SNTG1: variants seen among roughly 807,000 people sequenced by gnomAD.
SNTG1 encodes syntrophin gamma 1, also known as gamma-1-syntrophin.
A neutral mutation model predicts 74.7 loss-of-function variants in SNTG1; 39 were observed. That is an observed-to-expected ratio of 0.52 (90% CI 0.40 to 0.68). The LOEUF (loss-of-function observed/expected upper bound fraction) is 0.68. Among genes scored for constraint, SNTG1 ranks in the 30% least tolerant of loss-of-function variants. The pLI is 0.00. For missense variants in SNTG1, 685 were observed against 609.5 expected (o/e 1.12, Z -1.30); for synonymous variants, 254 against 217.1 (o/e 1.17, Z -1.49).
At chr8:49,990,012 G>A (rs1813528178) in intron 1 of SNTG1, among the ~76,000 whole-genome samples, 1 of 151,902 alleles carries the variant, frequency 6.6e-6, no homozygotes, top group Non-Finnish European at 1.5e-5. Flanking sequence ...GTGTAAAACA[G>A]AGTATCTTTC....
intron 15 of SNTG1, among the ~76,000 whole-genome samples, chr8:50,662,691 C>G (rs2095230499): frequency 6.6e-6 from 1 of 152,102 alleles, no homozygotes; most frequent in African/African-American, 2.4e-5. Context: ...CAGCCTGGTA[C>G]TGATGAGAGA....
intron 1 of SNTG1, among the ~76,000 whole-genome samples, chr8:50,013,599 T>C (rs1001753370): frequency 6.6e-6 from 1 of 152,038 alleles, no homozygotes; most frequent in Non-Finnish European, 1.5e-5. Flanking sequence ...GAAAAAGTAC[T>C]GTGTTTAAAA....
intron 17 of SNTG1, among the ~76,000 whole-genome samples, chr8:50,739,383 G>T (rs2095537357): frequency 6.6e-6 from 1 of 152,072 alleles, no homozygotes; most frequent in Admixed American, 6.6e-5. Context: ...ACACCAATTA[G>T]AATGGTGATC....
At chr8:50,561,965 TGAAGATTCTCGC>T (rs879754858) in intron 12 of SNTG1, among the ~76,000 whole-genome samples, 2 of 152,204 alleles carry the variant, frequency 1.3e-5, no homozygotes, top group Non-Finnish European at 2.9e-5. Context: ...AATAGTCCTG[TGAAGATTCTCGC>T]CATCCAAAAT....
chr8:50,016,248 A>G (rs1446444658), intron 1 of SNTG1, among the ~76,000 whole-genome samples: 1 of 152,096 alleles, frequency 6.6e-6, no homozygotes, highest in Non-Finnish European at 1.5e-5. Context: ...TTTTCATCAC[A>G]TGTCACAATC....
chr8:50,732,615 A>G (rs1313730337), intron 17 of SNTG1, among the ~76,000 whole-genome samples: 1 of 151,906 alleles, frequency 6.6e-6, no homozygotes. Flanking sequence ...TAATTTTTAT[A>G]AATGGAATTT....
chr8:50,534,791 A>G (rs1005269198), intron 10 of SNTG1, among the ~76,000 whole-genome samples: 6 of 152,132 alleles, frequency 3.9e-5, no homozygotes, highest in African/African-American at 1.4e-4. Context: ...TAAAAATAAA[A>G]AAACCTTCTG....
chr8:50,513,622 C>T (rs1318927350), intron 9 of SNTG1, among the ~76,000 whole-genome samples: 1 of 152,220 alleles, frequency 6.6e-6, no homozygotes, highest in African/African-American at 2.4e-5. Context: ...ATGGCGGATG[C>T]CCCTCCCCAG....
chr8:50,546,447 A>G (rs911216177), intron 11 of SNTG1, among the ~76,000 whole-genome samples: 13 of 152,006 alleles, frequency 8.6e-5, no homozygotes, highest in Admixed American at 3.3e-4. Flanking sequence ...TTTGTTACAC[A>G]TGTATACATG....
chr8:50,311,736 G>A (rs1010555060), intron 2 of SNTG1, among the ~76,000 whole-genome samples: 22 of 152,130 alleles, frequency 1.4e-4, no homozygotes, highest in Admixed American at 2.0e-4. Flanking sequence ...GTAGGTAAGC[G>A]TTGGAAAACT....
chr8:50,460,697 G>A (rs1040721312), intron 8 of SNTG1, among the ~76,000 whole-genome samples: 6 of 151,988 alleles, frequency 3.9e-5, no homozygotes, highest in Admixed American at 2.6e-4. Flanking sequence ...TCTTTCTTCC[G>A]CATATGACTA....
At position 50,572,260 on chromosome 8, in the gene SNTG1, A is replaced by ATTTT. The variant is rs3036684; in HGVS notation, c.811-18618_811-18617insTTTT. ...TATGTTTGTTTCTATCACCTATTTT[A>ATTTT]TATATATATATATATAGAGAGAGAG... On this transcript the variant is annotated intron_variant, in intron 12 of 18. Transcript: ENST00000642720. Among the ~76,000 whole-genome samples the ATTTT allele has an allele frequency of 2.7e-4, 38 of 141,256 alleles. 1 individual carries two copies. Among genetic ancestry groups the ATTTT allele is most frequent in the African/African-American group, 8.8e-4 (34 of 38,498 alleles). The allele number at this position is 141,256 out of a possible 152,430, so 92.7% of individuals were successfully genotyped here. A position where few individuals can be genotyped will look rare whatever the true frequency, so the allele number is the denominator to read the frequency against.
At chr8:50,681,871 A>G (rs959094592) in intron 15 of SNTG1, among the ~76,000 whole-genome samples, 1 of 152,168 alleles carries the variant, frequency 6.6e-6, no homozygotes, top group African/African-American at 2.4e-5. Flanking sequence ...CCTCAAATAC[A>G]ACCAACACAA....
At chr8:50,355,548 C>A (rs956609088) in intron 2 of SNTG1, among the ~76,000 whole-genome samples, 8 of 152,048 alleles carry the variant, frequency 5.3e-5, no homozygotes, top group African/African-American at 1.7e-4. Flanking sequence ...ATTGATGAAC[C>A]TTTTCAGGTT....
chr8:50,781,944 T>C (rs1375816648), intron 18 of SNTG1, among the ~76,000 whole-genome samples: 1 of 152,206 alleles, frequency 6.6e-6, no homozygotes, highest in East Asian at 1.9e-4. Flanking sequence ...TAAAGGATTT[T>C]ATTTCACTTT....
intron 17 of SNTG1, among the ~76,000 whole-genome samples, chr8:50,727,269 C>T (rs183072872): frequency 8.6e-5 from 13 of 152,008 alleles, no homozygotes; most frequent in Non-Finnish European, 1.8e-4. Flanking sequence ...TGCTGACAAT[C>T]CCTAAAATAA....
chr8:50,740,929 AG>A (rs1344977068), intron 17 of SNTG1, among the ~76,000 whole-genome samples: 5 of 152,112 alleles, frequency 3.3e-5, no homozygotes, highest in Non-Finnish European at 5.9e-5. Flanking sequence ...TATAAAAAGG[AG>A]CTAAATGATG....
chr8:50,142,858 G>A (rs981770273), intron 1 of SNTG1, among the ~76,000 whole-genome samples: 3 of 152,076 alleles, frequency 2.0e-5, no homozygotes, highest in African/African-American at 7.2e-5. Flanking sequence ...GATCACCTGA[G>A]GTCAGGAGTT....
intron 1 of SNTG1, among the ~76,000 whole-genome samples, chr8:50,165,792 T>C (rs1049300293): frequency 1.2e-4 from 19 of 152,196 alleles, no homozygotes; most frequent in Non-Finnish European, 1.8e-4. Context: ...TGGGCATTAC[T>C]AGTTGAACCT....
Sources: gnomAD v4.1 joint callset for allele counts (sites outside exome capture counted in the v4.1 genomes callset) on GRCh38, gnomAD v4.1.1 for gene constraint, MANE v1.5 for transcripts, NCBI Gene and HGNC (gene_info 2026-07-23, HGNC 2026-07-21) for gene names.